The following CILK1 variants were observed in gnomAD, a reference collection of about 807,000 sequenced individuals.
CILK1 encodes the protein serine/threonine-protein kinase ICK.
CILK1 carries 47 observed loss-of-function variants against 79.2 expected under a neutral mutation model. That is an observed-to-expected ratio of 0.59 (90% confidence interval 0.47 to 0.76). The LOEUF is 0.76. CILK1 is among the 30% of genes least tolerant of loss of function. The pLI, the probability that CILK1 is intolerant of heterozygous loss-of-function variation, is 0.00. For missense variants in CILK1, 660 were observed against 769.5 expected (o/e 0.86, Z 1.68); for synonymous variants, 266 against 275.9 (o/e 0.96, Z 0.36).
chr6:53,007,298 C>T (rs576926393), intron 12 of CILK1, among the ~76,000 whole-genome samples: 9 of 152,222 alleles, frequency 5.9e-5, no homozygotes, highest in South Asian at 2.1e-4. Flanking sequence ...AGAATGCCTG[C>T]GTGAGGAGTT....
chr6:53,047,036 C>A (rs1022049336), intron 1 of CILK1, among the ~76,000 whole-genome samples: 26 of 152,212 alleles, frequency 1.7e-4, no homozygotes, highest in African/African-American at 6.3e-4. Flanking sequence ...TAATGTTTCT[C>A]ACCCTGGTTG....
rs1423220368 is a variant in CILK1, at chr6:53,009,391, C to T, written c.1621+48G>A. On this transcript the variant is annotated intron_variant, in intron 12 of 13. Transcript: ENST00000676107. ...ACTCCTTGTGCCCACCTTCCTGCAT[C>T]CAGGGAATTTGCTTTTTGCCATTTA... 7 of 1,597,520 alleles carry T rather than the reference C, an allele frequency of 4.4e-6. No homozygotes were observed. In the Admixed American group the frequency reaches 8.3e-5, roughly 19 times the overall value.
rs1045056441 is a variant in CILK1, at chr6:53,003,072, G to A, written c.*2077C>T. The A allele has an allele frequency of 2.0e-5, 3 of 152,644 alleles. No homozygotes were observed. Among genetic ancestry groups the A allele is most frequent in the African/African-American group, 4.8e-5 (2 of 41,450 alleles). 9.5% of individuals were successfully genotyped at this position (152,644 alleles called of 1,614,324 possible). On this transcript the variant is annotated 3_prime_UTR_variant, in exon 14 of 14. Transcript: ENST00000676107. ...AAAGGACTCATCTCTGAAAACACAT[G>A]TTCTGATGCTTTAGATAACGAGTTG...
intron 5 of CILK1, among the ~76,000 whole-genome samples, chr6:53,029,791 A>G (rs1765811560): frequency 6.6e-6 from 1 of 152,206 alleles, no homozygotes; most frequent in Non-Finnish European, 1.5e-5. Context: ...TCCTTGAGTA[A>G]TAAAACTTAT....
At chr6:53,050,317 C>A (rs1309377269) in intron 1 of CILK1, among the ~76,000 whole-genome samples, 3 of 151,928 alleles carry the variant, frequency 2.0e-5, no homozygotes, top group Non-Finnish European at 4.4e-5. Flanking sequence ...ATTGAGACCT[C>A]ACTCCACAAG....
intron 1 of CILK1, among the ~76,000 whole-genome samples, chr6:53,058,514 T>C (rs756313027): frequency 2.0e-5 from 3 of 152,126 alleles, no homozygotes; most frequent in Non-Finnish European, 4.4e-5. Flanking sequence ...ACAATTACAC[T>C]GTAATCCCAA....
intron 3 of CILK1, 35 bp from the exon 4 acceptor site, chr6:53,032,689 A>T: frequency 1.3e-6 from 2 of 1,545,014 alleles, no homozygotes; most frequent in African/African-American, 2.7e-5. Context: ...AACAAAACAA[A>T]TATTAGAGAA....
chr6:53,036,868 T>A (rs1766374472), intron 3 of CILK1, among the ~76,000 whole-genome samples: 1 of 152,056 alleles, frequency 6.6e-6, no homozygotes, highest in South Asian at 2.1e-4. Context: ...ATACAGAAAA[T>A]TATACTAAAT....
chr6:53,038,425 T>G (rs1284130836), intron 2 of CILK1, among the ~76,000 whole-genome samples: 1 of 152,192 alleles, frequency 6.6e-6, no homozygotes, highest in Non-Finnish European at 1.5e-5. Context: ...GGGAACTGAA[T>G]TTTAATTTTA....
In CILK1 at chr6:53,009,468, G is replaced by A; in HGVS notation, c.1592C>T (p.Thr531Ile). ...SSGLSGKSSG[T>I]MSVISKVNSV... ...ATTTACTTTGCTGATTACTGACATT[G>A]TCCCTGAAGATTTTCCAGACAAGCC... The change falls in exon 12 of 14, where the codon ACA (threonine) becomes ATA (isoleucine). Residue 531 changes from threonine (T) to isoleucine (I), a missense_variant. Physicochemically the swap from Thr to Ile is moderately conservative, Grantham distance 89 (BLOSUM62 -1). Transcript: ENST00000676107. 2 of 1,614,032 alleles carry A rather than the reference G, an allele frequency of 1.2e-6. No individual in the cohort carries two copies. The highest frequency in any genetic ancestry group is 1.7e-6 in the Non-Finnish European group (2 of 1,179,894).
At chr6:53,016,453 T>C (rs1328518187) in intron 7 of CILK1, among the ~76,000 whole-genome samples, 1 of 151,204 alleles carries the variant, frequency 6.6e-6, no homozygotes, top group African/African-American at 2.4e-5. Flanking sequence ...CCATGAAATC[T>C]GGGGGAATAG....
chr6:53,012,040 C>T lies in CILK1; in HGVS notation c.1340G>A (p.Cys447Tyr). The change falls in exon 10 of 14, where the codon TGC (cysteine) becomes TAC (tyrosine). Residue 447 changes from cysteine to tyrosine, a missense_variant. Transcript: ENST00000676107. ...NKKRQSDDTL[C>Y]RFESVLDLKP... ...CAAATGTGAGCAGCACACTTGCCTGCAGAGAGTGTCATCACTCTGTCTTTT... is the reference window on the plus strand; with the variant it reads ...CAAATGTGAGCAGCACACTTGCCTGTAGAGAGTGTCATCACTCTGTCTTTT... 3 of 1,613,940 alleles carry T rather than the reference C, an allele frequency of 1.9e-6. No individual in the cohort carries two copies. The highest frequency in any genetic ancestry group is 2.5e-6 in the Non-Finnish European group (3 of 1,179,782).
At chr6:53,005,432 A>G in intron 13 of CILK1, 129 bp from the exon 14 acceptor site, 2 of 1,021,142 alleles carry the variant, frequency 2.0e-6, no homozygotes, top group Non-Finnish European at 3.0e-6. Flanking sequence ...TCTCCTACTT[A>G]TAATCTTCTC....
Position 53,009,419 on chromosome 6 carries a change from G to A in CILK1, c.1621+20C>T. On this transcript the variant is annotated intron_variant, in intron 12 of 13. Coordinates refer to ENST00000676107, the MANE Select transcript of CILK1 (RefSeq NM_014920.5). ...GGGAATTTGCTTTTTGCCATTTAGG[G>A]GTTAATGATCATTACTCACCTGAAT... is the stretch of plus-strand genomic sequence containing the variant. 1 of 1,613,218 alleles carries A rather than the reference G, an allele frequency of 6.2e-7. No individual in the cohort carries two copies. Among genetic ancestry groups the A allele is most frequent in the South Asian group, 1.1e-5 (1 of 91,052 alleles).
At chr6:53,027,681 A>G (rs577282962) in intron 5 of CILK1, among the ~76,000 whole-genome samples, 1 of 152,358 alleles carries the variant, frequency 6.6e-6, no homozygotes, top group East Asian at 1.9e-4. Context: ...AAAAACCATT[A>G]GACAATTTCT....
chr6:53,045,216 G>C (rs1422564948), intron 1 of CILK1, among the ~76,000 whole-genome samples: 1 of 152,156 alleles, frequency 6.6e-6, no homozygotes, highest in Non-Finnish European at 1.5e-5. Flanking sequence ...CATGATTACT[G>C]TATTATGGAA....
At chr6:53,028,891 T>C (rs922144801) in intron 5 of CILK1, among the ~76,000 whole-genome samples, 4 of 152,032 alleles carry the variant, frequency 2.6e-5, no homozygotes, top group Admixed American at 6.6e-5. Context: ...TATGTGTACA[T>C]GTAGATGTTT....
At chr6:53,019,078 C>T in intron 6 of CILK1, 149 bp downstream of exon 6, 1 of 733,666 alleles carries the variant, frequency 1.4e-6, no homozygotes. Context: ...TAACCTTGTA[C>T]ATTACCAACA....
intron 1 of CILK1, among the ~76,000 whole-genome samples, chr6:53,060,016 G>T (rs1768293921): frequency 6.6e-6 from 1 of 152,202 alleles, no homozygotes; most frequent in East Asian, 1.9e-4. Flanking sequence ...AGGTCTTGAT[G>T]ACTCATTGAT....
Sources: gnomAD v4.1 joint callset for allele counts (sites outside exome capture counted in the v4.1 genomes callset) on GRCh38, gnomAD v4.1.1 for gene constraint, MANE v1.5 for transcripts, NCBI Gene and HGNC (gene_info 2026-07-23, HGNC 2026-07-21) for gene names.